EIF3L: variants seen among roughly 807,000 people sequenced by gnomAD.
EIF3L encodes the protein eukaryotic translation initiation factor 3 subunit L.
Under a neutral mutation model 74.6 loss-of-function variants are expected in EIF3L, and 32 were observed. The ratio of observed to expected loss-of-function variants is 0.43; its 90% CI spans 0.32 to 0.58. The LOEUF is 0.58. Ranked by LOEUF, EIF3L falls within the 20% of genes least tolerant of loss-of-function variation. The pLI is 0.06. For missense variants in EIF3L, 474 were observed against 707.8 expected, an observed-to-expected ratio of 0.67 and a Z score of 3.75; for synonymous variants, 256 against 254.4, an observed-to-expected ratio of 1.01 and a Z score of -0.06.
intron 10 of EIF3L, 31 bp from the exon 11 acceptor site, chr22:37,877,643 G>C: frequency 1.3e-6 from 2 of 1,556,040 alleles, no homozygotes; most frequent in Admixed American, 1.9e-5. Context: ...CGTCTCATTT[G>C]ACCCAGTACC....
At chr22:37,859,376 T>TTTTTTTTTTTC (rs1925723915) in intron 5 of EIF3L, among the ~76,000 whole-genome samples, 2 of 52,984 alleles carry the variant, frequency 3.8e-5, no homozygotes, top group African/African-American at 1.5e-4. Context: ...TGAAGTTTCT[T>TTTTTTTTTTTC]TTTTTTTTTT....
chr22:37,867,077 G>A (rs1243272491), intron 7 of EIF3L, among the ~76,000 whole-genome samples: 1 of 152,032 alleles, frequency 6.6e-6, no homozygotes, highest in African/African-American at 2.4e-5. Context: ...TGCCTTTATG[G>A]TCCAGGCTGG....
intron 7 of EIF3L, 35 bp from the exon 8 acceptor site, chr22:37,870,141 T>C: frequency 6.4e-7 from 1 of 1,555,122 alleles, no homozygotes; most frequent in Non-Finnish European, 8.7e-7. Context: ...TTTGGGCTTA[T>C]ACCACTACTG....
rs568692921 is a variant in EIF3L at position 37,864,830 on chromosome 22, C to T, written c.579+1485C>T. Reference sequence around the variant, plus strand: ...CTGGGATTACAGGTGTGAGCCACCGCGCCTGGCCTACTGGCCCATTTTAAA... The same window carrying T: ...CTGGGATTACAGGTGTGAGCCACCGTGCCTGGCCTACTGGCCCATTTTAAA... On this transcript the variant is annotated intron_variant, in intron 7 of 12. Coordinates refer to ENST00000652021, the MANE Select transcript of EIF3L (RefSeq NM_016091.4). Among the ~76,000 whole-genome samples the T allele has an allele frequency of 7.9e-5, 12 of 152,268 alleles. No individual in the cohort carries two copies. In the South Asian group the frequency reaches 1.9e-3, roughly 24 times the overall value.
chr22:37,851,251 A>G (rs749762969), intron 2 of EIF3L, 29 bp from the exon 3 acceptor site: 2 of 1,600,892 alleles, frequency 1.2e-6, no homozygotes, highest in South Asian at 1.1e-5. Flanking sequence ...GTTTGAGCAT[A>G]CTCTGTATTT....
chr22:37,878,341 A>T, intron 11 of EIF3L, 170 bp downstream of exon 11: 10 of 678,098 alleles, frequency 1.5e-5, no homozygotes, highest in East Asian at 8.3e-5. Context: ...ACTTTAGGGG[A>T]GGCTGGGGTG....
chr22:37,874,220 C>A, intron 8 of EIF3L, 150 bp from the exon 9 acceptor site: 1 of 736,960 alleles, frequency 1.4e-6, no homozygotes, highest in Non-Finnish European at 2.2e-6. Flanking sequence ...TTTGCTGTTT[C>A]TTGGTATTCC....
intron 3 of EIF3L, among the ~76,000 whole-genome samples, chr22:37,852,936 C>T (rs990033495): frequency 1.3e-5 from 2 of 152,160 alleles, no homozygotes; most frequent in South Asian, 4.1e-4. Flanking sequence ...TCTTTCACCA[C>T]TAGCAAATGG....
chr22:37,876,055 G>A lies in EIF3L; in HGVS notation c.1077+44G>A, dbSNP rs181971628. The A allele has an allele frequency of 4.3e-4, 688 of 1,586,458 alleles. 3 individuals are homozygous for A. The African/African-American group carries it at 8.5e-3, about 20-fold the overall frequency. On this transcript the variant is annotated intron_variant, in intron 10 of 12. Transcript: ENST00000652021. ...GCCACCAGTGGCCTTTCTAATCAGG[G>A]GGATCCTTGGCACCTATGCCAACCA...
chr22:37,870,131 T>G (rs1417840074), intron 7 of EIF3L, 45 bp from the exon 8 acceptor site: 1 of 1,525,758 alleles, frequency 6.6e-7, no homozygotes, highest in Admixed American at 1.9e-5. Flanking sequence ...GGATGATCAC[T>G]TTGGGCTTAT....
intron 5 of EIF3L, among the ~76,000 whole-genome samples, chr22:37,862,562 C>T (rs1925913529): frequency 6.6e-6 from 1 of 152,180 alleles, no homozygotes; most frequent in Non-Finnish European, 1.5e-5. Context: ...GCTTGTTTGG[C>T]GTTGGAAGAC....
At chr22:37,862,277 C>T (rs1242778094) in intron 5 of EIF3L, among the ~76,000 whole-genome samples, 1 of 152,184 alleles carries the variant, frequency 6.6e-6, no homozygotes, top group African/African-American at 2.4e-5. Context: ...AAATACATTG[C>T]TCATGGTATG....
At chr22:37,858,623 T>C in intron 4 of EIF3L, 56 bp from the exon 5 acceptor site, 3 of 1,517,662 alleles carry the variant, frequency 2.0e-6, no homozygotes, top group Non-Finnish European at 2.7e-6. Context: ...GAGCTAAAGC[T>C]GCCAGGATAC....
rs533973164 is a variant in EIF3L at position 37,875,390 on chromosome 22, AG to A, written c.907-450del. Among the ~76,000 whole-genome samples the A allele has an allele frequency of 4.3e-4, 66 of 152,052 alleles. No individual in the cohort carries two copies. In the East Asian group the frequency reaches 0.012, roughly 27 times the overall value. On this transcript the variant is annotated intron_variant, in intron 9 of 12. Transcript: ENST00000652021. ...AAGACTCTGTCCCAGAAAAAAAAAA[AG>A]AATTAAGTAAAGATGTAATTCTAAG...
chr22:37,875,552 TG>T (rs904767762), intron 9 of EIF3L, among the ~76,000 whole-genome samples: 2 of 152,126 alleles, frequency 1.3e-5, no homozygotes, highest in African/African-American at 4.8e-5. Flanking sequence ...AGGACTTAAT[TG>T]AAAAAGCAAG....
chr22:37,864,850 T>C (rs1926061429), intron 7 of EIF3L, among the ~76,000 whole-genome samples: 1 of 152,124 alleles, frequency 6.6e-6, no homozygotes, highest in Non-Finnish European at 1.5e-5. Flanking sequence ...ACTGGCCCAT[T>C]TTAAAATGGT....
chr22:37,873,303 G>GTTT (rs373464512), intron 8 of EIF3L, among the ~76,000 whole-genome samples: 5 of 129,876 alleles, frequency 3.8e-5, no homozygotes, highest in South Asian at 2.4e-4. Flanking sequence ...AGTTTTTTTT[G>GTTT]TTTTTTTTTT....
intron 11 of EIF3L, chr22:37,878,470 GT>G (rs1390230598): frequency 3.8e-4 from 77 of 202,024 alleles, no homozygotes; most frequent in South Asian, 1.4e-3. Flanking sequence ...TTTTGTTTTG[GT>G]TTTTTTTTTG....
intron 7 of EIF3L, among the ~76,000 whole-genome samples, chr22:37,864,819 G>A (rs1926059538): frequency 6.6e-6 from 1 of 152,182 alleles, no homozygotes; most frequent in African/African-American, 2.4e-5. Flanking sequence ...GATTACAGGT[G>A]TGAGCCACCG....
Sources: allele counts gnomAD v4.1 joint callset (sites outside exome capture counted in the v4.1 genomes callset), GRCh38; gene constraint gnomAD v4.1.1; transcripts MANE v1.5; gene names NCBI Gene and HGNC (gene_info 2026-07-23, HGNC 2026-07-21).